The following ERBB4 variants were observed in gnomAD, a reference collection of about 807,000 sequenced individuals.
The protein encoded by ERBB4 is receptor tyrosine-protein kinase erbB-4.
ERBB4 carries 42 observed loss-of-function variants against 158.0 expected under a neutral mutation model. That is an observed-to-expected ratio of 0.27 (90% CI 0.21 to 0.34). The LOEUF is 0.34. Among genes scored for constraint, ERBB4 ranks in the 10% least tolerant of loss-of-function variants. The pLI, the probability that ERBB4 is intolerant of heterozygous loss-of-function variation, is 1.00. For missense variants in ERBB4, 1,333 were observed against 1,624.1 expected (o/e 0.82, Z 3.08); for synonymous variants, 583 against 558.7 (o/e 1.04, Z -0.61).
chr2:211,832,905 A>C (rs1361420636), intron 3 of ERBB4, among the ~76,000 whole-genome samples: 1 of 150,712 alleles, frequency 6.6e-6, no homozygotes, highest in Non-Finnish European at 1.5e-5. Flanking sequence ...ATATGTTTGC[A>C]GGTGATATGT....
intron 2 of ERBB4, among the ~76,000 whole-genome samples, chr2:211,976,582 C>A (rs1205258301): frequency 1.3e-5 from 2 of 152,028 alleles, no homozygotes; most frequent in Non-Finnish European, 2.9e-5. Context: ...TAATCAAAAT[C>A]AAATTAAAAC....
intron 2 of ERBB4, among the ~76,000 whole-genome samples, chr2:212,072,940 A>AAAC (rs143177646): frequency 1.4e-4 from 21 of 151,766 alleles, no homozygotes; most frequent in South Asian, 2.1e-4. Context: ...AGCACACATC[A>AAAC]AACAACAACA....
chr2:212,349,130 C>G (rs1159268852), intron 1 of ERBB4, among the ~76,000 whole-genome samples: 1 of 152,070 alleles, frequency 6.6e-6, no homozygotes, highest in Non-Finnish European at 1.5e-5. Flanking sequence ...AAAATGTCTT[C>G]TGAAGATGGA....
intron 1 of ERBB4, among the ~76,000 whole-genome samples, chr2:212,302,446 G>A (rs563324236): frequency 5.9e-5 from 9 of 151,414 alleles, no homozygotes; most frequent in Non-Finnish European, 1.2e-4. Context: ...CAATCTTGTG[G>A]TATAACAGCT....
At chr2:211,685,800 C>T (rs1461707314) in intron 12 of ERBB4, among the ~76,000 whole-genome samples, 7 of 152,034 alleles carry the variant, frequency 4.6e-5, no homozygotes, top group Non-Finnish European at 1.0e-4. Context: ...TTTCTTTCAT[C>T]AGTATTTTGT....
At chr2:212,511,610 T>C (rs538275310) in intron 1 of ERBB4, among the ~76,000 whole-genome samples, 10 of 152,050 alleles carry the variant, frequency 6.6e-5, no homozygotes, top group Admixed American at 1.3e-4. Flanking sequence ...TAGATACTTA[T>C]TTTTTTTCAA....
intron 2 of ERBB4, among the ~76,000 whole-genome samples, chr2:212,081,909 C>G (rs1057414524): frequency 6.6e-6 from 1 of 152,114 alleles, no homozygotes; most frequent in African/African-American, 2.4e-5. Flanking sequence ...TAGCAAACTT[C>G]AGCCTTTGTT....
chr2:212,497,007 C>G (rs1690612629), intron 1 of ERBB4, among the ~76,000 whole-genome samples: 1 of 151,768 alleles, frequency 6.6e-6, no homozygotes, highest in African/African-American at 2.4e-5. Context: ...TGGTGAAATC[C>G]TGTCTCTACT....
intron 2 of ERBB4, among the ~76,000 whole-genome samples, chr2:212,019,252 C>T (rs550921111): frequency 9.2e-5 from 14 of 152,200 alleles, no homozygotes; most frequent in South Asian, 2.1e-4. Context: ...ATGTATGATG[C>T]GCCCTTATTA....
rs1559419685 is a variant in ERBB4 at position 212,062,396 on chromosome 2, A to ATTTTTTTTTT, written c.234+62355_234+62356insAAAAAAAAAA. 5.9e-4 allele frequency among the ~76,000 whole-genome samples: 57 copies of ATTTTTTTTTT among 96,512 alleles called. 2 individuals are homozygous for ATTTTTTTTTT. The highest frequency in any genetic ancestry group is 7.6e-3 in the Middle Eastern group (1 of 132). 63.3% of individuals were successfully genotyped at this position (96,512 alleles called of 152,430 possible). A position where few individuals can be genotyped will look rare whatever the true frequency, so the allele number is the denominator to read the frequency against. On this transcript the variant is annotated intron_variant, in intron 2 of 27. Transcript: ENST00000342788. Reference sequence around the variant, plus strand: ...CTCCTACTACTCTTCTCACTTGTCAATTCTTTTTTTTTTTTTTTTTTTTTT... The same window carrying ATTTTTTTTTT: ...CTCCTACTACTCTTCTCACTTGTCAATTTTTTTTTTTTCTTTTTTTTTTTTTTTTTTTTTT...
At chr2:211,543,174 T>A (rs990994201) in intron 20 of ERBB4, among the ~76,000 whole-genome samples, 1 of 151,976 alleles carries the variant, frequency 6.6e-6, no homozygotes, top group Non-Finnish European at 1.5e-5. Context: ...ATAAATTGTT[T>A]ATCAGCCTTT....
At chr2:211,424,848 G>A (rs2063590992) in intron 22 of ERBB4, among the ~76,000 whole-genome samples, 1 of 152,096 alleles carries the variant, frequency 6.6e-6, no homozygotes, top group East Asian at 1.9e-4. Flanking sequence ...TAGCACATAT[G>A]AGAGCCTGAG....
chr2:212,193,191 C>A (rs950743584), intron 1 of ERBB4, among the ~76,000 whole-genome samples: 1 of 152,116 alleles, frequency 6.6e-6, no homozygotes, highest in Admixed American at 6.6e-5. Context: ...CTCCAGGGTG[C>A]TTTTACTCCT....
At chr2:212,147,157 ATTT>A (rs71397161) in intron 1 of ERBB4, among the ~76,000 whole-genome samples, 20 of 34,260 alleles carry the variant, frequency 5.8e-4, no homozygotes, top group South Asian at 3.0e-3. Flanking sequence ...TGCCCAGCTA[ATTT>A]TTTTTTTTTT....
intron 1 of ERBB4, among the ~76,000 whole-genome samples, chr2:212,208,058 G>C (rs1323716274): frequency 6.6e-6 from 1 of 152,044 alleles, no homozygotes; most frequent in African/African-American, 2.4e-5. Flanking sequence ...ACTGAACAAA[G>C]ACTTTAAATA....
intron 14 of ERBB4, among the ~76,000 whole-genome samples, chr2:211,665,905 A>T (rs1362344063): frequency 2.6e-5 from 4 of 152,136 alleles, no homozygotes; most frequent in African/African-American, 9.7e-5. Context: ...AGTAAAACAC[A>T]TTTTCCCTAG....
At chr2:212,216,349 T>C (rs1456495493) in intron 1 of ERBB4, among the ~76,000 whole-genome samples, 1 of 151,374 alleles carries the variant, frequency 6.6e-6, no homozygotes, top group East Asian at 1.9e-4. Context: ...AGTAAATCTA[T>C]TTAAAATATT....
intron 12 of ERBB4, among the ~76,000 whole-genome samples, chr2:211,697,708 T>TA (rs941309937): frequency 6.6e-6 from 1 of 152,202 alleles, no homozygotes; most frequent in African/African-American, 2.4e-5. Context: ...CACTGAAATT[T>TA]AAAACCATAG....
chr2:211,888,768 G>C (rs1449831045), intron 3 of ERBB4, among the ~76,000 whole-genome samples: 3 of 151,830 alleles, frequency 2.0e-5, no homozygotes, highest in African/African-American at 7.3e-5. Flanking sequence ...TTCCCTTTCC[G>C]AGTCAAAGAA....
Sources: allele counts gnomAD v4.1 joint callset (sites outside exome capture counted in the v4.1 genomes callset), GRCh38; gene constraint gnomAD v4.1.1; transcripts MANE v1.5; gene names NCBI Gene and HGNC (gene_info 2026-07-23, HGNC 2026-07-21).